The following ATM variants were observed in gnomAD, a reference collection of about 807,000 sequenced individuals.
ATM encodes the protein ATM serine/threonine kinase.
Under a neutral mutation model 387.0 loss-of-function variants are expected in ATM, and 308 were observed. That is an observed-to-expected ratio of 0.80 (90% CI 0.73 to 0.87). The LOEUF (loss-of-function observed/expected upper bound fraction) is 0.87. Ranked by LOEUF, ATM falls within the 40% of genes least tolerant of loss-of-function variation. The pLI is 0.00. For missense variants in ATM, 3,312 were observed against 3,560.9 expected (o/e 0.93, Z 1.78); for synonymous variants, 1,156 against 1,187.3 (o/e 0.97, Z 0.54).
intron 34 of ATM, among the ~76,000 whole-genome samples, chr11:108,300,582 T>C (rs1462453936): frequency 2.0e-5 from 3 of 152,180 alleles, no homozygotes; most frequent in Non-Finnish European, 4.4e-5. Flanking sequence ...CCTTCCTCCT[T>C]CTCTTGAGGA....
intron 22 of ATM, among the ~76,000 whole-genome samples, chr11:108,277,621 T>G (rs1259010593): frequency 6.6e-6 from 1 of 152,148 alleles, no homozygotes; most frequent in East Asian, 1.9e-4. Flanking sequence ...ACGGCTTCCC[T>G]TGGCTAGGGG....
At chr11:108,339,809 T>C (rs1167062657) in intron 56 of ATM, among the ~76,000 whole-genome samples, 2 of 152,098 alleles carry the variant, frequency 1.3e-5, no homozygotes, top group African/African-American at 4.8e-5. Flanking sequence ...CAGAGTACAC[T>C]ACACTGCAAG....
intron 4 of ATM, chr11:108,230,074 T>A (rs2078935621): frequency 6.6e-6 from 1 of 152,148 alleles, no homozygotes; most frequent in Non-Finnish European, 1.5e-5. Context: ...TCTTCATGAT[T>A]GAATATACTT....
chr11:108,250,810 G>A lies in ATM; in HGVS notation c.1345G>A (p.Gly449Arg). The A allele has an allele frequency of 6.2e-7, 1 of 1,613,958 alleles. No individual in the cohort carries two copies. The highest frequency in any genetic ancestry group is 8.5e-7 in the Non-Finnish European group (1 of 1,180,018). Residue 449 changes from glycine to arginine, a missense_variant, in exon 10 of 63, where the codon GGG becomes AGG. Physicochemically the swap from Gly to Arg is moderately radical, Grantham distance 125. Transcript: ENST00000675843. ...TCAGCTTCTACCCCAACAGCGACATGGGGAACGTACACCATATGTGTTACG... is the reference window on the plus strand; with the variant it reads ...TCAGCTTCTACCCCAACAGCGACATAGGGAACGTACACCATATGTGTTACG... ...LSQLLPQQRHGERTPYVLRCL... is the reference protein window; with the variant it reads ...LSQLLPQQRHRERTPYVLRCL...
At chr11:108,364,767 A>G (rs891982710) in intron 61 of ATM, among the ~76,000 whole-genome samples, 1 of 152,198 alleles carries the variant, frequency 6.6e-6, no homozygotes, top group Admixed American at 6.5e-5. Flanking sequence ...ACACTAACCC[A>G]GGGTTAAGAG....
At chr11:108,276,552 A>G (rs547545238) in intron 22 of ATM, among the ~76,000 whole-genome samples, 1 of 152,002 alleles carries the variant, frequency 6.6e-6, no homozygotes, top group Non-Finnish European at 1.5e-5. Context: ...TTCTGTGTGG[A>G]CATCCTTTTT....
At chr11:108,360,242 C>T (rs2090558815) in intron 61 of ATM, among the ~76,000 whole-genome samples, 1 of 138,656 alleles carries the variant, frequency 7.2e-6, no homozygotes, top group South Asian at 2.6e-4. Flanking sequence ...CAAGACTAAA[C>T]CAGGAAGAAG....
intron 2 of ATM, 29 bp from the exon 3 acceptor site, chr11:108,227,747 A>G: frequency 1.2e-6 from 2 of 1,612,100 alleles, no homozygotes; most frequent in Non-Finnish European, 1.7e-6. Flanking sequence ...GTGATTAGTA[A>G]CCCATTATTA....
At chr11:108,301,179 T>C (rs1163851013) in intron 34 of ATM, among the ~76,000 whole-genome samples, 2 of 152,182 alleles carry the variant, frequency 1.3e-5, no homozygotes, top group Non-Finnish European at 2.9e-5. Context: ...TAATTCGAAA[T>C]TGGTTTTTCT....
intron 24 of ATM, among the ~76,000 whole-genome samples, chr11:108,281,906 T>C (rs957481934): frequency 3.3e-5 from 5 of 152,150 alleles, no homozygotes; most frequent in African/African-American, 1.2e-4. Flanking sequence ...ATAAGTGTTA[T>C]GTATTGTTTG....
intron 33 of ATM, among the ~76,000 whole-genome samples, chr11:108,298,413 G>A (rs1374821700): frequency 6.6e-6 from 1 of 152,196 alleles, no homozygotes; most frequent in Non-Finnish European, 1.5e-5. Context: ...CTTGAAGAAT[G>A]TTTGCAGAGT....
intron 8 of ATM, 92 bp from the exon 9 acceptor site, chr11:108,248,841 T>C: frequency 9.2e-7 from 1 of 1,082,252 alleles, no homozygotes; most frequent in Non-Finnish European, 1.3e-6. Flanking sequence ...TGATACGAGA[T>C]CGTGCTGTTC....
At chr11:108,327,908 G>A in intron 48 of ATM, 150 bp downstream of exon 48, 2 of 734,250 alleles carry the variant, frequency 2.7e-6, no homozygotes, top group Non-Finnish European at 4.5e-6. Context: ...AGTCTCTAGG[G>A]TGGAGTGAAA....
At chr11:108,327,147 T>C (rs575370496) in intron 47 of ATM, among the ~76,000 whole-genome samples, 1 of 152,244 alleles carries the variant, frequency 6.6e-6, no homozygotes, top group East Asian at 1.9e-4. Context: ...CTTTTTGATG[T>C]TGGGCACTCA....
chr11:108,361,070 CCTT>C (rs2090684839), intron 61 of ATM, among the ~76,000 whole-genome samples: 2 of 115,788 alleles, frequency 1.7e-5, no homozygotes, highest in Admixed American at 1.9e-4. Flanking sequence ...CCCAAAATCT[CCTT>C]AAGCTGATAA....
rs977771048 is a variant in ATM, at chr11:108,248,776, T to C, written c.1066-157T>C. 4.5e-4 allele frequency among the ~76,000 whole-genome samples: 68 copies of C among 151,612 alleles called. 1 individual carries two copies. Among genetic ancestry groups the C allele is most frequent in the Admixed American group, 4.3e-3 (66 of 15,192 alleles). On this transcript the variant is annotated intron_variant, in intron 8 of 62. Coordinates refer to ENST00000675843, the MANE Select transcript of ATM (RefSeq NM_000051.4). ...GGTGGTGCAAGCCTGTAATCCCAGC[T>C]ACTCGGGAGGCTGAGGCAGGAGAAT...
intron 7 of ATM, 35 bp downstream of exon 7, chr11:108,245,061 T>A (rs1404831797): frequency 6.6e-7 from 1 of 1,515,310 alleles, no homozygotes; most frequent in Admixed American, 1.7e-5. Flanking sequence ...TGAATTTGCT[T>A]CTTCATTCAA....
intron 56 of ATM, among the ~76,000 whole-genome samples, chr11:108,342,680 TGTTTATA>T (rs1157758916): frequency 6.6e-6 from 1 of 152,236 alleles, no homozygotes; most frequent in African/African-American, 2.4e-5. Flanking sequence ...ACTTTATGTA[TGTTTATA>T]ATATAATTTT....
chr11:108,349,004 A>G (rs368795228), intron 59 of ATM, among the ~76,000 whole-genome samples: 2 of 152,194 alleles, frequency 1.3e-5, no homozygotes, highest in African/African-American at 4.8e-5. Flanking sequence ...ATCTTCAGCA[A>G]ATAGATTTCA....
Sources: allele counts gnomAD v4.1 joint callset (sites outside exome capture counted in the v4.1 genomes callset), GRCh38; gene constraint gnomAD v4.1.1; transcripts MANE v1.5; gene names NCBI Gene and HGNC (gene_info 2026-07-23, HGNC 2026-07-21).